Variants in C3orf49 observed in about 807,000 individuals in gnomAD.
C3orf49 encodes the protein chromosome 3 open reading frame 49, also known as putative uncharacterized protein C3orf49.
Under a neutral mutation model 13.3 loss-of-function variants are expected in C3orf49, and 27 were observed. That is an observed-to-expected ratio of 2.02 (90% CI 1.49 to 2.79). C3orf49 has a LOEUF of 2.79. Among genes scored for constraint, C3orf49 ranks in the 30% most tolerant of loss-of-function variants. C3orf49 has a pLI of 0.00. For missense variants in C3orf49, 242 were observed against 134.2 expected (o/e 1.80, Z -3.97); for synonymous variants, 87 against 47.6 (o/e 1.83, Z -3.40).
the C3orf49 span, among the ~76,000 whole-genome samples, chr3:63,798,128 A>G: frequency 6.6e-6 from 1 of 152,170 alleles, no homozygotes; most frequent in Admixed American, 6.6e-5. Context: ...TTAAACACAC[A>G]TCTCTCTATT....
the C3orf49 span, among the ~76,000 whole-genome samples, chr3:63,807,346 A>C: frequency 6.6e-6 from 1 of 152,120 alleles, no homozygotes; most frequent in African/African-American, 2.4e-5. Flanking sequence ...TCCTCACAAC[A>C]ACCCTGGGGT....
At chr3:63,829,068 A>G (rs1038451465) in intron 3 of C3orf49, among the ~76,000 whole-genome samples, 1 of 152,222 alleles carries the variant, frequency 6.6e-6, no homozygotes, top group African/African-American at 2.4e-5. Flanking sequence ...GATAGAGAAC[A>G]TTTCCATCTT....
rs146851199 is a variant in C3orf49 at position 63,841,080 on chromosome 3, G to T, written c.850-3943G>T. On this transcript the variant is annotated intron_variant, in intron 5 of 6. Transcript: ENST00000295896. ...AAACATTCACATAATGTAATAGTATGAGCCAAAAGAATAGTGCAGATATAC... is the reference window on the plus strand; with the variant it reads ...AAACATTCACATAATGTAATAGTATTAGCCAAAAGAATAGTGCAGATATAC... Among the ~76,000 whole-genome samples, 520 of 152,264 alleles carry T rather than the reference G, an allele frequency of 3.4e-3. 10 individuals are homozygous for T. The highest frequency in any genetic ancestry group is 0.031 in the Admixed American group (477 of 15,282).
chr3:63,826,051 C>T (rs1203614557), intron 2 of C3orf49, among the ~76,000 whole-genome samples: 1 of 152,058 alleles, frequency 6.6e-6, no homozygotes, highest in Non-Finnish European at 1.5e-5. Flanking sequence ...GATCACCAGG[C>T]ACAATTAGGA....
At chr3:63,798,443 T>C in the C3orf49 span, among the ~76,000 whole-genome samples, 18 of 152,140 alleles carry the variant, frequency 1.2e-4, no homozygotes, top group Admixed American at 1.1e-3. Flanking sequence ...TCTTTAGCAA[T>C]ATATTAGGTA....
At chr3:63,817,864 C>A (rs1163373665), upstream of C3orf49, among the ~76,000 whole-genome samples, 1 of 152,160 alleles carries the variant, frequency 6.6e-6, no homozygotes, top group African/African-American at 2.4e-5. Flanking sequence ...GCATAAAATT[C>A]ATCTCATTCA....
At chr3:63,790,808 C>T in the C3orf49 span, among the ~76,000 whole-genome samples, 1 of 152,056 alleles carries the variant, frequency 6.6e-6, no homozygotes, top group South Asian at 2.1e-4. Flanking sequence ...CAGAAACAGA[C>T]CCTAAGATGA....
At chr3:63,848,069 G>T (rs949358553) in intron 6 of C3orf49, among the ~76,000 whole-genome samples, 10 of 152,140 alleles carry the variant, frequency 6.6e-5, no homozygotes, top group African/African-American at 2.4e-4. Context: ...TCACATGACA[G>T]CAGACATTGA....
the C3orf49 span, among the ~76,000 whole-genome samples, chr3:63,790,413 C>T: frequency 1.8e-4 from 27 of 152,218 alleles, no homozygotes; most frequent in African/African-American, 4.6e-4. Context: ...TCTTTTAAGG[C>T]GATTTTCAAC....
chr3:63,820,516 G>A (rs1701378675), intron 1 of C3orf49, among the ~76,000 whole-genome samples: 1 of 152,152 alleles, frequency 6.6e-6, no homozygotes, highest in Non-Finnish European at 1.5e-5. Context: ...GGATGGGAAT[G>A]GGAAACACCT....
chr3:63,840,779 A>G (rs1279753103), intron 5 of C3orf49, among the ~76,000 whole-genome samples: 1 of 152,208 alleles, frequency 6.6e-6, no homozygotes, highest in East Asian at 1.9e-4. Context: ...TCAGATTGGC[A>G]AAAGATCTGA....
At chr3:63,786,021 T>G in the C3orf49 span, 1 of 152,166 alleles carries the variant, frequency 6.6e-6, no homozygotes, top group East Asian at 1.9e-4. Flanking sequence ...CTGTGGAAAT[T>G]GTTCCGATGC....
the C3orf49 span, among the ~76,000 whole-genome samples, chr3:63,792,551 G>A: frequency 0.015 from 2,274 of 152,176 alleles, 49 homozygotes; most frequent in African/African-American, 0.05. Flanking sequence ...TTAAGATGAC[G>A]TTAGGGTAGA....
In C3orf49 at chr3:63,836,252, C is replaced by T. The variant is rs757221571; in HGVS notation, c.849+4408C>T. 14 of 1,559,662 alleles carry T rather than the reference C, an allele frequency of 9.0e-6. No individual in the cohort carries two copies. In the Admixed American group the frequency reaches 2.4e-4, roughly 27 times the overall value. ...TGAAATGCCTACGGTAGTTTTCGAG[C>T]ATTTATGTATAAAGGTTAGTTCCTT... On this transcript the variant is annotated intron_variant, in intron 5 of 6. Transcript: ENST00000295896.
chr3:63,831,767 G>A lies in C3orf49; in HGVS notation c.772G>A (p.Gly258Arg). The stretch of plus-strand genomic sequence containing the variant: ...TGAGCTTCAACAGTGTGAGTTTCTG[G>A]GGGATGAAATTCTTCAGTCTTCTAA... ...HAELQQCEFL[G>R]DEILQSSKQF... Residue 258 changes from glycine to arginine, a missense_variant, in exon 5 of 7, where the codon GGG becomes AGG. Transcript: ENST00000295896. The A allele has an allele frequency of 1.4e-6, 1 of 702,982 alleles. No homozygotes were observed. Among genetic ancestry groups the A allele is most frequent in the Non-Finnish European group, 2.6e-6 (1 of 385,016 alleles). 43.5% of individuals were successfully genotyped at this position (702,982 alleles called of 1,614,324 possible). A position where few individuals can be genotyped will look rare whatever the true frequency, so the allele number is the denominator to read the frequency against.
intron 5 of C3orf49, chr3:63,837,908 T>C (rs2107121540): frequency 2.8e-6 from 4 of 1,440,784 alleles, no homozygotes; most frequent in Middle Eastern, 3.6e-4. Flanking sequence ...CCTCACAACA[T>C]TAAAAACTGC....
chr3:63,788,177 G>A, the C3orf49 span, among the ~76,000 whole-genome samples: 1 of 152,182 alleles, frequency 6.6e-6, no homozygotes, highest in African/African-American at 2.4e-5. Flanking sequence ...TGCTCAGGTT[G>A]TTCCTTAATG....
At chr3:63,820,487 T>C (rs1002490825) in intron 1 of C3orf49, among the ~76,000 whole-genome samples, 11 of 152,106 alleles carry the variant, frequency 7.2e-5, no homozygotes, top group African/African-American at 2.7e-4. Flanking sequence ...TCTAGATAGA[T>C]TGGGGATGAG....
chr3:63,836,972 C>T (rs1454725247), intron 5 of C3orf49, among the ~76,000 whole-genome samples: 1 of 151,562 alleles, frequency 6.6e-6, no homozygotes, highest in Non-Finnish European at 1.5e-5. Flanking sequence ...TTTTAGATGA[C>T]TTTAGAACTG....
Sources: allele counts gnomAD v4.1 joint callset (sites outside exome capture counted in the v4.1 genomes callset), GRCh38; gene constraint gnomAD v4.1.1; transcripts MANE v1.5; gene names NCBI Gene and HGNC (gene_info 2026-07-23, HGNC 2026-07-21).